GABRB3: variants seen among roughly 807,000 people sequenced by gnomAD.
GABRB3 encodes gamma-aminobutyric acid type A receptor subunit beta3, also known as gamma-aminobutyric acid receptor subunit beta-3.
Under a neutral mutation model 52.1 loss-of-function variants are expected in GABRB3, and 14 were observed. The observed-to-expected ratio is 0.27, with a 90% CI of 0.18 to 0.42. GABRB3 has a LOEUF of 0.42. Ranked by LOEUF, GABRB3 falls within the 10% of genes least tolerant of loss-of-function variation. The pLI is 1.00. For missense variants in GABRB3, 307 were observed against 609.1 expected, an observed-to-expected ratio of 0.50 and a Z score of 5.22; for synonymous variants, 260 against 232.3, an observed-to-expected ratio of 1.12 and a Z score of -1.08.
At chr15:26,723,316 T>C (rs1889691303) in intron 3 of GABRB3, among the ~76,000 whole-genome samples, 1 of 152,248 alleles carries the variant, frequency 6.6e-6, no homozygotes, top group Admixed American at 6.5e-5. Flanking sequence ...CTTTTGAATG[T>C]TGTATTCTGC....
chr15:26,547,751 C>T lies in GABRB3; in HGVS notation c.*42G>A, dbSNP rs746820359. 1.5e-5 allele frequency: 22 copies of T among 1,515,838 alleles called. No homozygotes were observed. Among genetic ancestry groups the T allele is most frequent in the Non-Finnish European group, 2.0e-5 (22 of 1,091,716 alleles). The allele number at this position is 1,515,838 out of a possible 1,614,324, so 93.9% of individuals were successfully genotyped here. A position where few individuals can be genotyped will look rare whatever the true frequency, so the allele number is the denominator to read the frequency against. ...ACTTGACAGGCAGAGTAATATTTCA[C>T]TCAGTGTTAAATGAAGTCTTTGAAA... On this transcript the variant is annotated 3_prime_UTR_variant, in exon 9 of 9. Coordinates refer to ENST00000311550, the MANE Select transcript of GABRB3 (RefSeq NM_000814.6).
intron 3 of GABRB3, among the ~76,000 whole-genome samples, chr15:26,742,923 T>G (rs948796324): frequency 1.9e-5 from 2 of 103,482 alleles, no homozygotes; most frequent in Admixed American, 2.9e-4. Flanking sequence ...CATTAGAGAT[T>G]CTTTTTTTTT....
intron 3 of GABRB3, among the ~76,000 whole-genome samples, chr15:26,729,374 C>G (rs968315542): frequency 6.6e-6 from 1 of 152,144 alleles, no homozygotes; most frequent in East Asian, 1.9e-4. Context: ...TCCTTGGAGG[C>G]TCCTGAACCC....
rs1179457432 is a variant in GABRB3, at chr15:26,546,125, G to A, written c.*1668C>T. 1 of 152,544 alleles carries A rather than the reference G, an allele frequency of 6.6e-6. No individual in the cohort carries two copies. Among genetic ancestry groups the A allele is most frequent in the African/African-American group, 2.4e-5 (1 of 41,428 alleles). The allele number at this position is 152,544 out of a possible 1,614,324, so 9.4% of individuals were successfully genotyped here. The stretch of plus-strand genomic sequence containing the variant: ...CTTGGTTTTGGATAGAACAGAGAGG[G>A]TGAGGCATACGTGGCATTTTGGGAT... On this transcript the variant is annotated 3_prime_UTR_variant, in exon 9 of 9. Coordinates refer to ENST00000311550, the MANE Select transcript of GABRB3 (RefSeq NM_000814.6).
At chr15:26,561,846 T>G (rs1358142554) in intron 7 of GABRB3, among the ~76,000 whole-genome samples, 1 of 152,340 alleles carries the variant, frequency 6.6e-6, no homozygotes, top group East Asian at 1.9e-4. Flanking sequence ...AGAAAGAATC[T>G]GTACACAAGC....
chr15:26,652,974 C>T (rs1000260440), intron 3 of GABRB3, among the ~76,000 whole-genome samples: 4 of 152,066 alleles, frequency 2.6e-5, no homozygotes, highest in African/African-American at 7.2e-5. Context: ...AAAACTGAAA[C>T]GGCCTTTGCA....
intron 3 of GABRB3, among the ~76,000 whole-genome samples, chr15:26,739,820 C>T (rs902078251): frequency 1.3e-5 from 2 of 152,124 alleles, no homozygotes; most frequent in Admixed American, 1.3e-4. Context: ...CATCGTTTAT[C>T]TTTCCTTTAT....
intron 4 of GABRB3, among the ~76,000 whole-genome samples, chr15:26,585,592 A>G (rs1208189581): frequency 6.6e-6 from 1 of 152,236 alleles, no homozygotes; most frequent in Non-Finnish European, 1.5e-5. Flanking sequence ...TAATGCCAAC[A>G]TATTTAGCAC....
intron 3 of GABRB3, 183 bp downstream of exon 3, chr15:26,772,219 C>A (rs974413010): frequency 5.9e-6 from 3 of 507,662 alleles, no homozygotes; most frequent in Non-Finnish European, 6.8e-6. Context: ...GGCCCCCGAG[C>A]GCCCGGGGCG....
intron 3 of GABRB3, among the ~76,000 whole-genome samples, chr15:26,756,586 A>C (rs4906900): frequency 1.3e-5 from 2 of 151,904 alleles, no homozygotes; most frequent in African/African-American, 4.8e-5. Flanking sequence ...TCAAAAAAAA[A>C]TTTTTAAAGT....
In GABRB3 at chr15:26,599,001, G is replaced by A. The variant is rs116160410; in HGVS notation, c.462-15587C>T. Among the ~76,000 whole-genome samples the A allele has an allele frequency of 3.8e-3, 572 of 152,224 alleles. 2 individuals carry two copies. The highest frequency in any genetic ancestry group is 0.013 in the African/African-American group (546 of 41,538). On this transcript the variant is annotated intron_variant, in intron 4 of 8. Transcript: ENST00000311550. Reference sequence around the variant, plus strand: ...CTACCCAATGACACTGCCCAGGCAGGGAGACTCCCACCTCTGCACATTTTG... The same window carrying A: ...CTACCCAATGACACTGCCCAGGCAGAGAGACTCCCACCTCTGCACATTTTG...
At chr15:26,713,902 A>G (rs1398925861) in intron 3 of GABRB3, among the ~76,000 whole-genome samples, 1 of 152,244 alleles carries the variant, frequency 6.6e-6, no homozygotes, top group Non-Finnish European at 1.5e-5. Flanking sequence ...ACCAGGGATC[A>G]GAGACGGCTG....
At chr15:26,553,049 T>A (rs1889539313) in intron 8 of GABRB3, among the ~76,000 whole-genome samples, 1 of 152,252 alleles carries the variant, frequency 6.6e-6, no homozygotes, top group Admixed American at 6.5e-5. Context: ...ATGTCCAGCA[T>A]CTTAAACAGT....
intron 3 of GABRB3, among the ~76,000 whole-genome samples, chr15:26,770,455 G>C (rs1420788742): frequency 6.6e-6 from 1 of 152,218 alleles, no homozygotes; most frequent in African/African-American, 2.4e-5. Context: ...AGAGAAAATT[G>C]AGACACTTCA....
At chr15:26,651,107 G>T (rs991234346) in intron 3 of GABRB3, among the ~76,000 whole-genome samples, 1 of 152,192 alleles carries the variant, frequency 6.6e-6, no homozygotes, top group African/African-American at 2.4e-5. Context: ...GAGGGCAACT[G>T]CTCTGGGCAC....
At chr15:26,688,553 A>C (rs971185622) in intron 3 of GABRB3, among the ~76,000 whole-genome samples, 1 of 152,224 alleles carries the variant, frequency 6.6e-6, no homozygotes, top group African/African-American at 2.4e-5. Flanking sequence ...TGAAGGAATC[A>C]ATAAAAATGA....
chr15:26,695,054 G>T (rs919493126), intron 3 of GABRB3, among the ~76,000 whole-genome samples: 2 of 152,034 alleles, frequency 1.3e-5, no homozygotes, highest in African/African-American at 4.8e-5. Context: ...CAAGAACCAT[G>T]GGGCAATTAT....
At chr15:26,652,994 A>G (rs1033121433) in intron 3 of GABRB3, among the ~76,000 whole-genome samples, 1 of 152,218 alleles carries the variant, frequency 6.6e-6, no homozygotes, top group African/African-American at 2.4e-5. Context: ...AAAAATTGCA[A>G]CAGGGAGAAA....
At chr15:26,756,392 AC>A (rs1455246058) in intron 3 of GABRB3, among the ~76,000 whole-genome samples, 1 of 148,326 alleles carries the variant, frequency 6.7e-6, no homozygotes, top group African/African-American at 2.5e-5. Context: ...ACATGGTGAA[AC>A]CCCCTCTCTA....
Sources: gnomAD v4.1 joint callset for allele counts (sites outside exome capture counted in the v4.1 genomes callset) on GRCh38, gnomAD v4.1.1 for gene constraint, MANE v1.5 for transcripts, NCBI Gene and HGNC (gene_info 2026-07-23, HGNC 2026-07-21) for gene names.